The following TG variants were observed in gnomAD, a reference collection of about 807,000 sequenced individuals.
TG encodes thyroid hormones.
In TG, 270 loss-of-function variants were observed where a neutral mutation model predicts 324.7. The observed-to-expected ratio is 0.83, with a 90% CI of 0.75 to 0.92. The LOEUF is 0.92. Among genes scored for constraint, TG ranks in the 40% least tolerant of loss-of-function variants. TG has a pLI of 0.00. For synonymous variants in TG, 1,401 were observed against 1,327.0 expected (o/e 1.06, Z -1.21); for missense variants, 3,591 against 3,456.4 (o/e 1.04, Z -0.98).
At chr8:132,986,625 T>G (rs992161760) in intron 35 of TG, among the ~76,000 whole-genome samples, 12 of 152,248 alleles carry the variant, frequency 7.9e-5, no homozygotes, top group African/African-American at 2.9e-4. Flanking sequence ...CATTTCTTTA[T>G]TTTTGGTCAT....
At chr8:133,100,460 G>A (rs1849070138) in intron 43 of TG, among the ~76,000 whole-genome samples, 3 of 152,176 alleles carry the variant, frequency 2.0e-5, no homozygotes, top group Non-Finnish European at 4.4e-5. Context: ...ATTGCACACA[G>A]CAGGCACACA....
intron 23 of TG, among the ~76,000 whole-genome samples, chr8:132,930,556 C>T (rs1822557003): frequency 6.6e-6 from 1 of 152,034 alleles, no homozygotes; most frequent in Admixed American, 6.6e-5. Flanking sequence ...TTGGTGGGTG[C>T]CTGTAATCCC....
intron 35 of TG, among the ~76,000 whole-genome samples, chr8:132,992,441 G>T (rs914486952): frequency 6.6e-6 from 1 of 152,206 alleles, no homozygotes; most frequent in Admixed American, 6.5e-5. Flanking sequence ...AAAAGTTACT[G>T]CAGTCTTTGC....
chr8:132,869,875 T>C (rs747404852), intron 3 of TG, 49 bp downstream of exon 3: 5 of 1,557,936 alleles, frequency 3.2e-6, no homozygotes, highest in Non-Finnish European at 3.5e-6. Flanking sequence ...CTAGGACAAC[T>C]CACTTCCAGG....
intron 45 of TG, among the ~76,000 whole-genome samples, chr8:133,117,934 A>G (rs1388740265): frequency 2.0e-5 from 3 of 152,164 alleles, no homozygotes; most frequent in African/African-American, 7.2e-5. Flanking sequence ...TACCTACAAA[A>G]TAAGACTAAA....
intron 16 of TG, among the ~76,000 whole-genome samples, chr8:132,904,455 G>T (rs1050023905): frequency 2.0e-5 from 3 of 152,108 alleles, no homozygotes; most frequent in African/African-American, 7.3e-5. Flanking sequence ...CTGGGGCTGG[G>T]CCCACTGTGG....
At chr8:132,947,449 A>G (rs1825481180) in intron 26 of TG, among the ~76,000 whole-genome samples, 1 of 152,176 alleles carries the variant, frequency 6.6e-6, no homozygotes, top group Admixed American at 6.5e-5. Context: ...TTTTTTAACT[A>G]CTGCAGTTTA....
chr8:133,053,249 G>A (rs1840757135), intron 41 of TG, among the ~76,000 whole-genome samples: 1 of 152,142 alleles, frequency 6.6e-6, no homozygotes, highest in African/African-American at 2.4e-5. Context: ...GGTTACCCCA[G>A]GTTGCATTTT....
At position 132,900,349 on chromosome 8, in the gene TG, A is replaced by C; in HGVS notation, c.3433+10A>C. ...AGCAGCAGTGCCCAGTGTGAGTAGC[A>C]GCCCCTCCTGGCATGGCTTCTCACC... On this transcript the variant is annotated intron_variant, in intron 15 of 47. Transcript: ENST00000220616. The C allele has an allele frequency of 6.2e-7, 1 of 1,607,132 alleles. No individual in the cohort carries two copies. The highest frequency in any genetic ancestry group is 1.1e-5 in the South Asian group (1 of 89,520).
At chr8:133,118,320 CTTTT>C (rs34171048) in intron 45 of TG, among the ~76,000 whole-genome samples, 1,453 of 89,016 alleles carry the variant, frequency 0.016, 5 homozygotes, top group African/African-American at 0.057. Flanking sequence ...CAGATTCTTC[CTTTT>C]TTTTTTTTTT....
At chr8:133,128,807 A>G (rs1192203106) in intron 45 of TG, among the ~76,000 whole-genome samples, 3 of 152,226 alleles carry the variant, frequency 2.0e-5, no homozygotes, top group African/African-American at 7.2e-5. Flanking sequence ...AAATGCCTCC[A>G]GGCTGACCAT....
chr8:133,058,383 C>T (rs1236697327), intron 41 of TG, among the ~76,000 whole-genome samples: 1 of 152,170 alleles, frequency 6.6e-6, no homozygotes, highest in Non-Finnish European at 1.5e-5. Context: ...CTAGAGGTGA[C>T]CTCCCACCCA....
At chr8:132,952,890 A>T (rs1475123980) in intron 27 of TG, among the ~76,000 whole-genome samples, 2 of 152,308 alleles carry the variant, frequency 1.3e-5, no homozygotes, top group East Asian at 3.9e-4. Flanking sequence ...TCAGCTTAGG[A>T]GACCAGTGCT....
chr8:132,991,701 ATGT>A lies in TG; in HGVS notation c.6262+8294_6262+8296del, dbSNP rs200380645. ...TTTGGTTGAGAGTGCCAAATGAATC[ATGT>A]TGTTAGCAGCTGCAACACTCAGCAC... On this transcript the variant is annotated intron_variant, in intron 35 of 47. Coordinates refer to ENST00000220616, the MANE Select transcript of TG (RefSeq NM_003235.5). Among the ~76,000 whole-genome samples the A allele has an allele frequency of 1.1e-3, 168 of 152,134 alleles. 5 individuals carry two copies. The East Asian group carries it at 0.028, about 26-fold the overall frequency.
At chr8:132,973,880 A>G (rs1291904990) in intron 34 of TG, among the ~76,000 whole-genome samples, 1 of 151,410 alleles carries the variant, frequency 6.6e-6, no homozygotes, top group East Asian at 2.0e-4. Context: ...GAGTAAATAT[A>G]TGGGGAATTC....
intron 41 of TG, among the ~76,000 whole-genome samples, chr8:133,085,878 C>T (rs758482416): frequency 1.6e-4 from 24 of 152,166 alleles, no homozygotes; most frequent in Non-Finnish European, 3.2e-4. Context: ...CCTATACATT[C>T]AAGAGACATG....
intron 45 of TG, among the ~76,000 whole-genome samples, chr8:133,127,540 A>G (rs1851613127): frequency 6.6e-6 from 1 of 152,214 alleles, no homozygotes; most frequent in South Asian, 2.1e-4. Context: ...CTTCCAAAAG[A>G]AATGCAACTT....
chr8:133,107,085 G>A (rs899161964), intron 43 of TG, among the ~76,000 whole-genome samples: 1 of 152,178 alleles, frequency 6.6e-6, no homozygotes, highest in Admixed American at 6.5e-5. Flanking sequence ...CCATGTGTCA[G>A]CCTCTTTATA....
At chr8:132,998,372 A>G (rs1405799687) in intron 35 of TG, among the ~76,000 whole-genome samples, 1 of 152,196 alleles carries the variant, frequency 6.6e-6, no homozygotes, top group Non-Finnish European at 1.5e-5. Context: ...GGACCAACTG[A>G]TCAAACTGTG....
Sources: allele counts gnomAD v4.1 joint callset (sites outside exome capture counted in the v4.1 genomes callset), GRCh38; gene constraint gnomAD v4.1.1; transcripts MANE v1.5; gene names NCBI Gene and HGNC (gene_info 2026-07-23, HGNC 2026-07-21).